Variants in SRRT observed in about 807,000 individuals in gnomAD.
SRRT encodes serrate RNA effector molecule homolog.
A neutral mutation model predicts 103.2 loss-of-function variants in SRRT; 32 were observed. That is an observed-to-expected ratio of 0.31 (90% confidence interval 0.23 to 0.42). The LOEUF (loss-of-function observed/expected upper bound fraction) is 0.42. SRRT is among the 10% of genes least tolerant of loss of function. The pLI is 1.00. For synonymous variants in SRRT, 525 were observed against 449.0 expected (o/e 1.17, Z -2.14); for missense variants, 986 against 1,207.5 (o/e 0.82, Z 2.72).
chr7:100,887,897 CCTT>C lies in SRRT; in HGVS notation c.2326+39_2326+41del. The C allele has an allele frequency of 6.3e-7, 1 of 1,580,264 alleles. No homozygotes were observed. Among genetic ancestry groups the C allele is most frequent in the Non-Finnish European group, 8.6e-7 (1 of 1,157,828 alleles). On this transcript the variant is annotated intron_variant, in intron 17 of 19. Coordinates refer to ENST00000611405, the MANE Select transcript of SRRT (RefSeq NM_015908.6). This position sits in a 1 kb window ranked among gnomAD's most constrained non-coding sequence, Gnocchi z 4.1. ...CCATGAAGGTCGCATGTGCCCTCTT[CCTT>C]GACTACCCAGGGACTCCTGTTTCTC... is the stretch of plus-strand genomic sequence containing the variant.
rs560434337 is a variant in SRRT, at chr7:100,882,361, C to A, written c.587+120C>A. On this transcript the variant is annotated intron_variant, in intron 5 of 19. Transcript: ENST00000611405. The surrounding 1 kb of genome is among the most constrained non-coding windows in gnomAD (Gnocchi z 4.2). Reference sequence around the variant, plus strand: ...TCCAGAACTTTCTGGGGGCGGGGGTCGGGAAGTATGACAGCATTGGCTGAT... The same window carrying A: ...TCCAGAACTTTCTGGGGGCGGGGGTAGGGAAGTATGACAGCATTGGCTGAT... The A allele has an allele frequency of 2.6e-6, 3 of 1,169,152 alleles. No homozygotes were observed. The highest frequency in any genetic ancestry group is 1.6e-5 in the African/African-American group (1 of 64,220). 72.4% of individuals were successfully genotyped at this position (1,169,152 alleles called of 1,614,324 possible). A position where few individuals can be genotyped will look rare whatever the true frequency, so the allele number is the denominator to read the frequency against.
rs886698523 is a variant in SRRT, at chr7:100,882,647, A to T, written c.587+406A>T. ...AGCAAAGATCTCGGTCGTTTGACAG[A>T]AAAAGAATTTTAATTTTTTTTTCCT... On this transcript the variant is annotated intron_variant, in intron 5 of 19. Transcript: ENST00000611405. The surrounding 1 kb of genome is among the most constrained non-coding windows in gnomAD (Gnocchi z 4.2). The T allele has an allele frequency of 1.2e-5, 2 of 160,112 alleles. No homozygotes were observed. The highest frequency in any genetic ancestry group is 4.8e-5 in the African/African-American group (2 of 41,762). The allele number at this position is 160,112 out of a possible 1,614,324, so 9.9% of individuals were successfully genotyped here. A position where few individuals can be genotyped will look rare whatever the true frequency, so the allele number is the denominator to read the frequency against.
At chr7:100,881,024 G>T (rs1046350495) in intron 2 of SRRT, among the ~76,000 whole-genome samples, 1 of 151,918 alleles carries the variant, frequency 6.6e-6, no homozygotes, top group Non-Finnish European at 1.5e-5. Flanking sequence ...TTTTAGTCTG[G>T]TATCTCAGGG....
At chr7:100,878,269 A>G (rs989377130) in intron 2 of SRRT, among the ~76,000 whole-genome samples, 2 of 151,596 alleles carry the variant, frequency 1.3e-5, no homozygotes, top group East Asian at 1.9e-4. Context: ...TCTTGATGGC[A>G]CCACTGCATT....
In SRRT at chr7:100,884,954, G is replaced by C. The variant is rs1387288591; in HGVS notation, c.1073G>C (p.Gly358Ala). Residue 358 changes from glycine (G) to alanine (A), a missense_variant, in exon 9 of 20, where the codon GGT (glycine) becomes GCT (alanine). Physicochemically the swap from Gly to Ala is moderately conservative, Grantham distance 60 (BLOSUM62 0). Coordinates refer to ENST00000611405, the MANE Select transcript of SRRT (RefSeq NM_015908.6). ...SSKKRNRKHS[G>A]DDSFDEGSVS... ...AAGAAGCGGAACCGGAAGCACAGTG[G>C]TGACGACAGCTTTGACGAGGGCAGC... The C allele has an allele frequency of 1.2e-6, 2 of 1,614,002 alleles. No homozygotes were observed. Among genetic ancestry groups the C allele is most frequent in the Non-Finnish European group, 1.7e-6 (2 of 1,180,026 alleles).
Position 100,881,385 on chromosome 7 carries a change from C to T in SRRT, c.223C>T (p.Pro75Ser). The T allele has an allele frequency of 1.9e-6, 3 of 1,613,826 alleles. No individual in the cohort carries two copies. Among genetic ancestry groups the T allele is most frequent in the South Asian group, 1.1e-5 (1 of 91,084 alleles). ...RFSPPRHELS[P>S]PQKRMRRDWD... Reference sequence around the variant, plus strand: ...CTCGCCACCTCGCCACGAACTCAGCCCGCCACAGAAGCGCATGAGGAGAGA... The same window carrying T: ...CTCGCCACCTCGCCACGAACTCAGCTCGCCACAGAAGCGCATGAGGAGAGA... The change falls in exon 3 of 20, where the codon CCG (proline) becomes TCG (serine). Residue 75 changes from proline (P) to serine (S), a missense_variant. Coordinates refer to ENST00000611405, the MANE Select transcript of SRRT (RefSeq NM_015908.6).
chr7:100,885,947 T>G lies in SRRT; in HGVS notation c.1458+6T>G. Reference sequence around the variant, plus strand: ...GGAACCTGCAGAACATCCGTGTGAGTGCTGGGGGTGGGACTGTGGGGAAGA... The same window carrying G: ...GGAACCTGCAGAACATCCGTGTGAGGGCTGGGGGTGGGACTGTGGGGAAGA... On this transcript the variant is annotated splice_donor_region_variant and intron_variant, in intron 12 of 19. Coordinates refer to ENST00000611405, the MANE Select transcript of SRRT (RefSeq NM_015908.6). The surrounding 1 kb of genome is among the most constrained non-coding windows in gnomAD (Gnocchi z 4.8). 6.2e-7 allele frequency: 1 copy of G among 1,613,562 alleles called. No individual in the cohort carries two copies. The highest frequency in any genetic ancestry group is 8.5e-7 in the Non-Finnish European group (1 of 1,179,912).
intron 13 of SRRT, 176 bp from the exon 14 acceptor site, chr7:100,886,619 C>A: frequency 1.0e-6 from 1 of 965,934 alleles, no homozygotes; most frequent in Non-Finnish European, 1.5e-6. Context: ...TGCTAGTGAT[C>A]ATTTGTGGCT....
chr7:100,878,552 G>A lies in SRRT; in HGVS notation c.123-2733G>A, dbSNP rs1220071922. ...ATTGAAGGTTCTAACTAGCCTGTGA[G>A]AAACTACTTCCTTCTTGGACAAGGT... On this transcript the variant is annotated intron_variant, in intron 2 of 19. Coordinates refer to ENST00000611405, the MANE Select transcript of SRRT (RefSeq NM_015908.6). 3.3e-5 allele frequency among the ~76,000 whole-genome samples: 5 copies of A among 152,154 alleles called. No homozygotes were observed. In the East Asian group the frequency reaches 7.7e-4, roughly 23 times the overall value.
intron 2 of SRRT, among the ~76,000 whole-genome samples, chr7:100,877,866 A>G (rs1462187378): frequency 1.3e-5 from 2 of 152,074 alleles, no homozygotes; most frequent in Non-Finnish European, 2.9e-5. Flanking sequence ...GCTTTTTTCC[A>G]TGGGATGTTA....
In SRRT at chr7:100,888,573, G is replaced by A; in HGVS notation, c.*24G>A. The A allele has an allele frequency of 6.2e-7, 1 of 1,613,774 alleles. No homozygotes were observed. The highest frequency in any genetic ancestry group is 8.5e-7 in the Non-Finnish European group (1 of 1,179,672). On this transcript the variant is annotated 3_prime_UTR_variant, in exon 20 of 20. Transcript: ENST00000611405. Reference sequence around the variant, plus strand: ...GAGCCGTCCCCCGTTCCTCAGTCCTGTATCATCCATACTTGTACTACCTTG... The same window carrying A: ...GAGCCGTCCCCCGTTCCTCAGTCCTATATCATCCATACTTGTACTACCTTG...
Position 100,885,031 on chromosome 7 carries a change from G to C in SRRT, c.1150G>C (p.Glu384Gln), listed in dbSNP as rs746359437. 47 of 1,613,974 alleles carry C rather than the reference G, an allele frequency of 2.9e-5. No individual in the cohort carries two copies. The Admixed American group carries it at 7.2e-4, about 25-fold the overall frequency. The stretch of plus-strand genomic sequence containing the variant: ...GAGCGGCCAGGCTGAGGAGGAGAAG[G>C]AGGAGGCCGGTAGGGTTTCTTTTCT... Reference protein sequence around the residue: ...SESGQAEEEKEEAEEALKEKE... With the variant: ...SESGQAEEEKQEAEEALKEKE... Residue 384 changes from glutamate (E) to glutamine (Q), a missense_variant, in exon 9 of 20, where the codon GAG (glutamate) becomes CAG (glutamine). Glu to Gln is a conservative substitution (Grantham distance 29). Coordinates refer to ENST00000611405, the MANE Select transcript of SRRT (RefSeq NM_015908.6). The surrounding 1 kb of genome is among the most constrained non-coding windows in gnomAD (Gnocchi z 4.8).
At chr7:100,881,478 C>A (rs1789552455) in intron 3 of SRRT, 65 bp downstream of exon 3, 1 of 1,588,518 alleles carries the variant, frequency 6.3e-7, no homozygotes, top group Non-Finnish European at 8.6e-7. Context: ...CCCCTTTCTC[C>A]CCTCACCTGT....
At chr7:100,881,244 G>A in intron 2 of SRRT, 41 bp from the exon 3 acceptor site, 2 of 1,591,626 alleles carry the variant, frequency 1.3e-6, no homozygotes, top group Non-Finnish European at 1.7e-6. Context: ...ATGAGCCACT[G>A]TGCCTGGCCT....
rs531290886 is a variant in SRRT at position 100,884,533 on chromosome 7, A to G, written c.923A>G (p.Lys308Arg). The change falls in exon 7 of 20, where the codon AAG (lysine) becomes AGG (arginine). Residue 308 changes from lysine (K) to arginine (R), a missense_variant. Physicochemically the swap from Lys to Arg is conservative, Grantham distance 26. Transcript: ENST00000611405. ...GERKTNDKDE[K>R]KEDGKQAEND... ...CGCAAAACCAACGACAAGGATGAGA[A>G]GAAGGAAGACGGCAAGCAGGTCCGA... 12 of 1,467,662 alleles carry G rather than the reference A, an allele frequency of 8.2e-6. No individual in the cohort carries two copies. Among genetic ancestry groups the G allele is most frequent in the Non-Finnish European group, 1.1e-5 (12 of 1,089,668 alleles). 90.9% of individuals were successfully genotyped at this position (1,467,662 alleles called of 1,614,324 possible).
chr7:100,879,046 C>T (rs755203820), intron 2 of SRRT, among the ~76,000 whole-genome samples: 9 of 151,974 alleles, frequency 5.9e-5, no homozygotes, highest in Non-Finnish European at 1.5e-5. Context: ...CCTCCATCTT[C>T]CGGGTTCAAA....
Position 100,882,294 on chromosome 7 carries a change from G to C in SRRT, c.587+53G>C. 2 of 1,566,318 alleles carry C rather than the reference G, an allele frequency of 1.3e-6. No individual in the cohort carries two copies. Among genetic ancestry groups the C allele is most frequent in the Non-Finnish European group, 1.7e-6 (2 of 1,146,188 alleles). ...TGCCCTGGCATGTCCCCCTGGCCCC[G>C]CTGGTGGAGCCACAGCCCTGTCCTC... On this transcript the variant is annotated intron_variant, in intron 5 of 19. Coordinates refer to ENST00000611405, the MANE Select transcript of SRRT (RefSeq NM_015908.6). This position sits in a 1 kb window ranked among gnomAD's most constrained non-coding sequence, Gnocchi z 4.2.
At chr7:100,884,044 C>T (rs1409733009) in intron 5 of SRRT, 26 bp from the exon 6 acceptor site, 1 of 1,555,818 alleles carries the variant, frequency 6.4e-7, no homozygotes, top group Admixed American at 2.2e-5. Flanking sequence ...ACTGTTTTGT[C>T]TTTCCCTCCC....
At position 100,879,597 on chromosome 7, in the gene SRRT, G is replaced by A. The variant is rs143357520; in HGVS notation, c.123-1688G>A. Among the ~76,000 whole-genome samples, 6 of 152,250 alleles carry A rather than the reference G, an allele frequency of 3.9e-5. No homozygotes were observed. In the East Asian group the frequency reaches 1.2e-3, roughly 29 times the overall value. On this transcript the variant is annotated intron_variant, in intron 2 of 19. Coordinates refer to ENST00000611405, the MANE Select transcript of SRRT (RefSeq NM_015908.6). The stretch of plus-strand genomic sequence containing the variant: ...TCTTACTGTGTAATTTAAAAATGAA[G>A]GTTTTGGAACATTTCGTTTTAATTT...
Sources: gnomAD v4.1 joint callset for allele counts (sites outside exome capture counted in the v4.1 genomes callset) on GRCh38, gnomAD v4.1.1 for gene constraint, Gnocchi (gnomAD v3.1) non-coding constraint, MANE v1.5 for transcripts, NCBI Gene and HGNC (gene_info 2026-07-23, HGNC 2026-07-21) for gene names.